Variants in TTC7B observed in about 807,000 individuals in gnomAD.
TTC7B encodes the protein tetratricopeptide repeat protein 7B.
Under a neutral mutation model 106.8 loss-of-function variants are expected in TTC7B, and 28 were observed. The observed-to-expected ratio is 0.26, with a 90% CI of 0.19 to 0.36. The LOEUF (loss-of-function observed/expected upper bound fraction) is 0.36. Ranked by LOEUF, TTC7B falls within the 10% of genes least tolerant of loss-of-function variation. TTC7B has a pLI of 1.00. For missense variants in TTC7B, 862 were observed against 1,076.4 expected (o/e 0.80, Z 2.79); for synonymous variants, 405 against 430.6 (o/e 0.94, Z 0.74).
chr14:90,676,012 C>T (rs1886818855), intron 9 of TTC7B: 1 of 152,362 alleles, frequency 6.6e-6, no homozygotes, highest in Non-Finnish European at 1.5e-5. Context: ...GAGAAGATGA[C>T]AGTACCTTGC....
intron 6 of TTC7B, among the ~76,000 whole-genome samples, chr14:90,694,896 C>A (rs1595290173): frequency 1.5e-5 from 1 of 64,930 alleles, no homozygotes; most frequent in Non-Finnish European, 3.2e-5. Flanking sequence ...ATTTATAACA[C>A]ATATATGTCA....
At chr14:90,562,469 A>G (rs1004916786) in intron 19 of TTC7B, among the ~76,000 whole-genome samples, 19 of 152,168 alleles carry the variant, frequency 1.2e-4, no homozygotes, top group African/African-American at 4.6e-4. Context: ...ATCTCTCTAA[A>G]ATGCAGACCT....
At chr14:90,654,266 T>C (rs965482384) in intron 12 of TTC7B, among the ~76,000 whole-genome samples, 14 of 152,234 alleles carry the variant, frequency 9.2e-5, no homozygotes, top group Admixed American at 7.9e-4. Flanking sequence ...TTTTGCCTTA[T>C]ACTAATTAAA....
chr14:90,580,759 G>T (rs982496854), intron 18 of TTC7B, among the ~76,000 whole-genome samples: 1 of 152,218 alleles, frequency 6.6e-6, no homozygotes, highest in Non-Finnish European at 1.5e-5. Context: ...CGCCTCAGCT[G>T]AAAGGAAAGC....
intron 5 of TTC7B, among the ~76,000 whole-genome samples, chr14:90,720,349 T>A (rs1355263027): frequency 1.3e-5 from 2 of 152,228 alleles, no homozygotes; most frequent in African/African-American, 4.8e-5. Flanking sequence ...GCTATAGTTA[T>A]ACATCCAAGA....
rs953039230 is a variant in TTC7B, at chr14:90,578,815, C to T, written c.2108-507G>A. Among the ~76,000 whole-genome samples the T allele has an allele frequency of 5.3e-5, 8 of 152,202 alleles. No homozygotes were observed. Among genetic ancestry groups the T allele is most frequent in the South Asian group, 2.1e-4 (1 of 4,826 alleles). The stretch of plus-strand genomic sequence containing the variant: ...AGGCTGCAGCTATCATGTTCACAGG[C>T]GTGATGCAAGATGGCTGCCCCGCCA... On this transcript the variant is annotated intron_variant, in intron 18 of 19. Transcript: ENST00000328459. This position sits in a 1 kb window ranked among gnomAD's most constrained non-coding sequence, Gnocchi z 4.7.
intron 3 of TTC7B, among the ~76,000 whole-genome samples, chr14:90,765,750 G>T (rs1890653950): frequency 1.3e-5 from 2 of 152,276 alleles, no homozygotes; most frequent in South Asian, 4.1e-4. Flanking sequence ...AGCTAGGGTG[G>T]GCAAAGAGCA....
Position 90,614,650 on chromosome 14 carries a change from T to C in TTC7B, c.1868+3279A>G, listed in dbSNP as rs149028479. Among the ~76,000 whole-genome samples, 13 of 152,368 alleles carry C rather than the reference T, an allele frequency of 8.5e-5. 1 individual carries two copies. The East Asian group carries it at 1.7e-3, about 20-fold the overall frequency. ...AATCACTGTTCTGCTACATATTCAATTGGAAAAACTTGGGCAAGTTATTTA... is the reference window on the plus strand; with the variant it reads ...AATCACTGTTCTGCTACATATTCAACTGGAAAAACTTGGGCAAGTTATTTA... On this transcript the variant is annotated intron_variant, in intron 16 of 19. Coordinates refer to ENST00000328459, the MANE Select transcript of TTC7B (RefSeq NM_001010854.2).
intron 9 of TTC7B, among the ~76,000 whole-genome samples, chr14:90,667,099 A>C (rs565524804): frequency 1.8e-4 from 27 of 152,318 alleles, no homozygotes; most frequent in Non-Finnish European, 3.2e-4. Context: ...GGCTTGGGGC[A>C]CTGGGTTTTA....
At chr14:90,801,222 CAAA>C (rs67620286) in intron 1 of TTC7B, among the ~76,000 whole-genome samples, 1 of 70,930 alleles carries the variant, frequency 1.4e-5, no homozygotes. Flanking sequence ...AAGACCCTAT[CAAA>C]AAAAAAAAAA....
At chr14:90,707,292 TG>T (rs1339175667) in intron 5 of TTC7B, among the ~76,000 whole-genome samples, 1 of 152,222 alleles carries the variant, frequency 6.6e-6, no homozygotes, top group African/African-American at 2.4e-5. Context: ...ATGTTGTATA[TG>T]TGCCCCACTG....
intron 9 of TTC7B, among the ~76,000 whole-genome samples, chr14:90,665,398 GTC>G (rs1886371549): frequency 6.6e-6 from 1 of 152,184 alleles, no homozygotes; most frequent in African/African-American, 2.4e-5. Flanking sequence ...TGCCTTTCCA[GTC>G]TCTTTTTCCA....
chr14:90,671,680 G>A (rs1886638687), intron 9 of TTC7B, among the ~76,000 whole-genome samples: 1 of 152,202 alleles, frequency 6.6e-6, no homozygotes, highest in African/African-American at 2.4e-5. Context: ...AAAACTCACA[G>A]CACTGGAGAT....
At chr14:90,550,481 C>A (rs959971892) in intron 19 of TTC7B, among the ~76,000 whole-genome samples, 1 of 152,244 alleles carries the variant, frequency 6.6e-6, no homozygotes, top group Admixed American at 6.5e-5. Flanking sequence ...CCACATAAAT[C>A]CCTGTTCCAC....
intron 17 of TTC7B, chr14:90,605,618 G>C (rs1268671017): frequency 3.1e-6 from 4 of 1,286,682 alleles, no homozygotes; most frequent in Non-Finnish European, 4.0e-6. Flanking sequence ...TCCCGGCGGG[G>C]ACCTGCGTCA....
intron 6 of TTC7B, among the ~76,000 whole-genome samples, chr14:90,690,063 CA>C (rs1887411080): frequency 6.6e-6 from 1 of 152,206 alleles, no homozygotes; most frequent in South Asian, 2.1e-4. Flanking sequence ...CAGATATTAG[CA>C]TCACTAATGA....
At position 90,800,437 on chromosome 14, in the gene TTC7B, G is replaced by A. The variant is rs1261828271; in HGVS notation, c.122-14109C>T. On this transcript the variant is annotated intron_variant, in intron 1 of 19. Coordinates refer to ENST00000328459, the MANE Select transcript of TTC7B (RefSeq NM_001010854.2). ...ACATGGCAAAAGGAACTTTGCAGAT[G>A]TAATTAAGGATCTTGAGATAGGAGA... is the stretch of plus-strand genomic sequence containing the variant. Among the ~76,000 whole-genome samples, 3 of 152,166 alleles carry A rather than the reference G, an allele frequency of 2.0e-5. 1 individual carries two copies. Among genetic ancestry groups the A allele is most frequent in the African/African-American group, 7.2e-5 (3 of 41,440 alleles).
At chr14:90,703,842 C>T (rs944177049) in intron 5 of TTC7B, among the ~76,000 whole-genome samples, 3 of 152,276 alleles carry the variant, frequency 2.0e-5, no homozygotes, top group Admixed American at 6.5e-5. Flanking sequence ...AGCACAGTGC[C>T]GATGGGATTG....
intron 5 of TTC7B, among the ~76,000 whole-genome samples, chr14:90,714,521 A>G (rs1250191903): frequency 6.6e-6 from 1 of 151,174 alleles, no homozygotes; most frequent in Non-Finnish European, 1.5e-5. Context: ...CAATGGCGCA[A>G]TCTTGGCTCA....
Sources: gnomAD v4.1 joint callset for allele counts (sites outside exome capture counted in the v4.1 genomes callset) on GRCh38, gnomAD v4.1.1 for gene constraint, Gnocchi (gnomAD v3.1) non-coding constraint, MANE v1.5 for transcripts, NCBI Gene and HGNC (gene_info 2026-07-23, HGNC 2026-07-21) for gene names.